The following PRKAR1A variants were observed in gnomAD, a reference collection of about 807,000 sequenced individuals.
PRKAR1A encodes cAMP-dependent protein kinase type I-alpha regulatory subunit.
Under a neutral mutation model 52.0 loss-of-function variants are expected in PRKAR1A, and 3 were observed. The observed-to-expected ratio is 0.06, with a 90% CI of 0.03 to 0.15. PRKAR1A has a LOEUF of 0.15. PRKAR1A is among the 10% of genes least tolerant of loss of function. The probability of loss-of-function intolerance (pLI) is 1.00; values close to 1 mark genes in which losing one functional copy is unlikely to be tolerated. For synonymous variants in PRKAR1A, 188 were observed against 168.4 expected (o/e 1.12, Z -0.90); for missense variants, 240 against 477.4 (o/e 0.50, Z 4.63).
At chr17:68,488,482 C>T in the PRKAR1A span, among the ~76,000 whole-genome samples, 1 of 152,136 alleles carries the variant, frequency 6.6e-6, no homozygotes, top group South Asian at 2.1e-4. Flanking sequence ...CATCGCAGCA[C>T]TTTGGGAGGC....
Position 68,531,847 on chromosome 17 carries a change from C to CTGTGAATGTG in PRKAR1A, c.*1401_*1402insGAATGTGTGT, listed in dbSNP as rs2085984687. On this transcript the variant is annotated 3_prime_UTR_variant, in exon 11 of 11. Coordinates refer to ENST00000589228, the MANE Select transcript of PRKAR1A (RefSeq NM_002734.5). Reference sequence around the variant, plus strand: ...TTTTTTTAAACAAAATTTCACAGTTCTGTAATGTAGGCACTTTTATTTTCA... The same window carrying CTGTGAATGTG: ...TTTTTTTAAACAAAATTTCACAGTTCTGTGAATGTGTGTAATGTAGGCACTTTTATTTTCA... 9.7e-7 allele frequency: 1 copy of CTGTGAATGTG among 1,035,558 alleles called. No individual in the cohort carries two copies. The highest frequency in any genetic ancestry group is 4.7e-5 in the South Asian group (1 of 21,370). The allele number at this position is 1,035,558 out of a possible 1,614,324, so 64.1% of individuals were successfully genotyped here.
chr17:68,454,700 A>G, the PRKAR1A span, among the ~76,000 whole-genome samples: 1 of 152,276 alleles, frequency 6.6e-6, no homozygotes, highest in Non-Finnish European at 1.5e-5. Context: ...CTTTCTTCAC[A>G]TAAACTTTTT....
chr17:68,550,235 GT>G (rs1278517290), intron 11 of PRKAR1A, among the ~76,000 whole-genome samples: 26 of 152,110 alleles, frequency 1.7e-4, no homozygotes, highest in African/African-American at 6.3e-4. Context: ...TCTATATACT[GT>G]TTTATATGAT....
chr17:68,432,751 T>G, the PRKAR1A span, among the ~76,000 whole-genome samples: 1 of 152,194 alleles, frequency 6.6e-6, no homozygotes, highest in Non-Finnish European at 1.5e-5. Flanking sequence ...TGATCCTGCC[T>G]TTCTCTGCAG....
At chr17:68,481,568 G>A in the PRKAR1A span, among the ~76,000 whole-genome samples, 2 of 152,182 alleles carry the variant, frequency 1.3e-5, no homozygotes, top group Non-Finnish European at 2.9e-5. Flanking sequence ...GATCTGAGAG[G>A]AGCAGAGCTC....
At chr17:68,495,978 CCTCTCCTCTCCTCTCCTCTCCT>C in the PRKAR1A span, among the ~76,000 whole-genome samples, 2 of 6,712 alleles carry the variant, frequency 3.0e-4, no homozygotes, top group Non-Finnish European at 2.5e-4. Flanking sequence ...TCTCCTCTCT[CCTCTCCTCTCCTCTCCTCTCCT>C]CCCCTCCCCT....
At position 68,531,381 on chromosome 17, in the gene PRKAR1A, TC is replaced by T. The variant is rs2085971139; in HGVS notation, c.*934del. The T allele has an allele frequency of 9.4e-7, 1 of 1,065,716 alleles. No homozygotes were observed. The highest frequency in any genetic ancestry group is 5.3e-5 in the Admixed American group (1 of 18,730). The allele number at this position is 1,065,716 out of a possible 1,614,324, so 66.0% of individuals were successfully genotyped here. A position where few individuals can be genotyped will look rare whatever the true frequency, so the allele number is the denominator to read the frequency against. On this transcript the variant is annotated 3_prime_UTR_variant, in exon 11 of 11. Coordinates refer to ENST00000589228, the MANE Select transcript of PRKAR1A (RefSeq NM_002734.5). ...AATCTCCTCTGCTCATTAAACTGAT[TC>T]CAGGAGATTGGATTTGCTGTGACTA...
At chr17:68,458,303 T>C in the PRKAR1A span, among the ~76,000 whole-genome samples, 4 of 152,164 alleles carry the variant, frequency 2.6e-5, no homozygotes, top group Non-Finnish European at 5.9e-5. Context: ...AGCTAAACAA[T>C]TTGTCTAAAG....
rs1008466008 is a variant in PRKAR1A, at chr17:68,532,795, C to G, written c.*2346C>G. 12 of 1,066,352 alleles carry G rather than the reference C, an allele frequency of 1.1e-5. No homozygotes were observed. Among genetic ancestry groups the G allele is most frequent in the Non-Finnish European group, 1.4e-5 (12 of 879,798 alleles). The allele number at this position is 1,066,352 out of a possible 1,614,324, so 66.1% of individuals were successfully genotyped here. ...ATGAATCAGTTTTTCTTCCCTTTCT[C>G]CTTTCCGTCTTTCCTCTCTCTGTCC... On this transcript the variant is annotated 3_prime_UTR_variant, in exon 11 of 11. Transcript: ENST00000589228.
In PRKAR1A at chr17:68,515,818, A is replaced by G. The variant is rs1251689137; in HGVS notation, c.177+242A>G. 2.1e-5 allele frequency: 11 copies of G among 525,302 alleles called. No individual in the cohort carries two copies. The Admixed American group carries it at 2.6e-4, about 13-fold the overall frequency. 32.5% of individuals were successfully genotyped at this position (525,302 alleles called of 1,614,324 possible). A position where few individuals can be genotyped will look rare whatever the true frequency, so the allele number is the denominator to read the frequency against. ...GTACTTGGCTAATAAAGGGTTTCCA[A>G]ACAATTCTTTGTAACTTTTTAAATT... On this transcript the variant is annotated intron_variant, in intron 2 of 10. Coordinates refer to ENST00000589228, the MANE Select transcript of PRKAR1A (RefSeq NM_002734.5).
chr17:68,525,662 G>C, intron 6 of PRKAR1A, 92 bp from the exon 7 acceptor site: 4 of 1,377,366 alleles, frequency 2.9e-6, no homozygotes, highest in Admixed American at 3.4e-5. Context: ...ACAAAGTTCA[G>C]GATTGTGACC....
the PRKAR1A span, among the ~76,000 whole-genome samples, chr17:68,505,541 G>A: frequency 6.6e-6 from 1 of 152,180 alleles, no homozygotes; most frequent in Non-Finnish European, 1.5e-5. Context: ...GGCCAGGTGA[G>A]GTGGCTCAGG....
At chr17:68,455,427 A>G in the PRKAR1A span, among the ~76,000 whole-genome samples, 2 of 151,794 alleles carry the variant, frequency 1.3e-5, no homozygotes, top group South Asian at 2.1e-4. Flanking sequence ...GTATGAGCGT[A>G]GGGGACTGGT....
At chr17:68,433,230 C>T in the PRKAR1A span, among the ~76,000 whole-genome samples, 6 of 152,240 alleles carry the variant, frequency 3.9e-5, no homozygotes, top group African/African-American at 1.4e-4. Flanking sequence ...TTCCCGGGAT[C>T]TCTGGGCTCC....
the PRKAR1A span, chr17:68,422,099 T>C: frequency 2.5e-6 from 1 of 404,554 alleles, no homozygotes; most frequent in Non-Finnish European, 4.6e-6. Context: ...AAGGCTCATC[T>C]TACTTGTAAA....
rs281864782 is a variant in PRKAR1A at position 68,515,523 on chromosome 17, C to T, written c.124C>T (p.Arg42Ter). 1 of 1,613,042 alleles carries T rather than the reference C, an allele frequency of 6.2e-7. No individual in the cohort carries two copies. Among genetic ancestry groups the T allele is most frequent in the Non-Finnish European group, 8.5e-7 (1 of 1,180,010 alleles). The change falls in exon 2 of 11, where the codon CGA becomes TGA. Residue 42 changes from arginine to a stop codon, truncating the protein, a stop_gained. Transcript: ENST00000589228. LOFTEE classifies it high-confidence loss of function. ...KDSIVQLCTA[R>*]PERPMAFLRE... The stretch of plus-strand genomic sequence containing the variant: ...TTCTATTGTGCAGTTGTGCACTGCT[C>T]GACCTGAGAGACCCATGGCATTCCT...
the PRKAR1A span, chr17:68,457,392 C>A: frequency 2.0e-6 from 3 of 1,534,762 alleles, no homozygotes; most frequent in South Asian, 2.4e-5. Context: ...CAACCCCGCC[C>A]GGGGGAGCGT....
chr17:68,489,383 G>GTATATA, the PRKAR1A span, among the ~76,000 whole-genome samples: 1 of 38,468 alleles, frequency 2.6e-5, no homozygotes, highest in Non-Finnish European at 4.6e-5. Flanking sequence ...TATATGGAAA[G>GTATATA]TATATATATA....
the PRKAR1A span, among the ~76,000 whole-genome samples, chr17:68,495,512 G>A: frequency 1.3e-5 from 2 of 152,082 alleles, no homozygotes; most frequent in Non-Finnish European, 2.9e-5. Flanking sequence ...GTAAATTCTT[G>A]TTGAGCTTTC....
Sources: allele counts gnomAD v4.1 joint callset (sites outside exome capture counted in the v4.1 genomes callset), GRCh38; gene constraint gnomAD v4.1.1; transcripts MANE v1.5; gene names NCBI Gene and HGNC (gene_info 2026-07-23, HGNC 2026-07-21).